GYS2: variants seen among roughly 807,000 people sequenced by gnomAD.
GYS2 encodes the protein glycogen synthase 2, also known as glycogen [starch] synthase, liver.
GYS2 carries 80 observed loss-of-function variants against 85.6 expected under a neutral mutation model. The ratio of observed to expected loss-of-function variants is 0.93; its 90% CI spans 0.78 to 1.13. The LOEUF is 1.13. Ranked by LOEUF, GYS2 falls within the 50% of genes most tolerant of loss-of-function variation. The pLI, the probability that GYS2 is intolerant of heterozygous loss-of-function variation, is 0.00. For missense variants in GYS2, 881 were observed against 854.9 expected (o/e 1.03, Z -0.38); for synonymous variants, 328 against 300.7 (o/e 1.09, Z -0.94).
intron 11 of GYS2, among the ~76,000 whole-genome samples, chr12:21,554,953 G>A (rs1278030025): frequency 2.0e-5 from 3 of 152,188 alleles, no homozygotes; most frequent in Admixed American, 2.0e-4. Context: ...GCCAAGGGAA[G>A]CATGAACTAT....
intron 1 of GYS2, among the ~76,000 whole-genome samples, chr12:21,589,801 G>A (rs960095251): frequency 3.9e-5 from 6 of 152,136 alleles, no homozygotes; most frequent in Non-Finnish European, 5.9e-5. Context: ...TTGCTCCAGA[G>A]AAGGAGCTCT....
chr12:21,590,073 C>T (rs181763517), intron 1 of GYS2, among the ~76,000 whole-genome samples: 76 of 152,262 alleles, frequency 5.0e-4, no homozygotes, highest in African/African-American at 1.8e-3. Context: ...TAAGAAAATG[C>T]TACCCCACTT....
chr12:21,563,209 T>C lies in GYS2; in HGVS notation c.941+19A>G. ...TCATATCTGATACTTCTTTTTCTTT[T>C]TAATAAAGAAAATCATACCCATAGA... On this transcript the variant is annotated intron_variant, in intron 6 of 15. Coordinates refer to ENST00000261195, the MANE Select transcript of GYS2 (RefSeq NM_021957.4). The C allele has an allele frequency of 3.5e-6, 5 of 1,422,494 alleles. No homozygotes were observed. Among genetic ancestry groups the C allele is most frequent in the Non-Finnish European group, 5.0e-6 (5 of 1,005,430 alleles). 88.1% of individuals were successfully genotyped at this position (1,422,494 alleles called of 1,614,324 possible).
At position 21,574,203 on chromosome 12, in the gene GYS2, T is replaced by A; in HGVS notation, c.619A>T (p.Thr207Ser). The A allele has an allele frequency of 6.2e-7, 1 of 1,612,650 alleles. No individual in the cohort carries two copies. Among genetic ancestry groups the A allele is most frequent in the Non-Finnish European group, 8.5e-7 (1 of 1,178,646 alleles). Residue 207 changes from threonine to serine, a missense_variant, in exon 4 of 16, where the codon ACA becomes TCA. Coordinates refer to ENST00000261195, the MANE Select transcript of GYS2 (RefSeq NM_021957.4). ...PIATIFTTHA[T>S]LLGRYLCAAN... ...GCACAGAGATACCTCCCAAGTAGTG[T>A]AGCGTGGGTTGTAAATATTGTGGCA...
rs781309842 is a variant in GYS2, at chr12:21,563,031, C to T, written c.949G>A (p.Asp317Asn). The part of the protein sequence containing the change: ...FVRGHFYGHL[D>N]FDLEKTLFLF... ...AACAAAGTCTTTTCAAGATCAAAGT[C>T]GAGATGACTAAAACAAAACAAAACC... The change falls in exon 7 of 16, where the codon GAC (aspartate) becomes AAC (asparagine). Residue 317 changes from aspartate to asparagine, a missense_variant. Coordinates refer to ENST00000261195, the MANE Select transcript of GYS2 (RefSeq NM_021957.4). 24 of 1,610,602 alleles carry T rather than the reference C, an allele frequency of 1.5e-5. No individual in the cohort carries two copies. The East Asian group carries it at 1.8e-4, about 12-fold the overall frequency.
intron 1 of GYS2, among the ~76,000 whole-genome samples, chr12:21,585,353 A>C (rs530167792): frequency 3.9e-5 from 6 of 152,298 alleles, no homozygotes; most frequent in South Asian, 2.1e-4. Flanking sequence ...AGAGAGTTAC[A>C]GTGTTGGCTG....
chr12:21,541,975 G>A (rs150749616), intron 13 of GYS2, among the ~76,000 whole-genome samples: 2 of 152,084 alleles, frequency 1.3e-5, no homozygotes, highest in Admixed American at 6.5e-5. Flanking sequence ...ATCTGTTCCC[G>A]CATTAATTCA....
In GYS2 at chr12:21,569,974, CA is replaced by C. The variant is rs200098553; in HGVS notation, c.679-966del. Among the ~76,000 whole-genome samples, 163 of 152,290 alleles carry C rather than the reference CA, an allele frequency of 1.1e-3. 7 individuals are homozygous for C. In the East Asian group the frequency reaches 0.027, roughly 25 times the overall value. On this transcript the variant is annotated intron_variant, in intron 4 of 15. Transcript: ENST00000261195. Reference sequence around the variant, plus strand: ...GTAGAACCCTAATTTGATCCTTAATCAGCCTGACTGATTAATGAATACAGTC... The same window carrying C: ...GTAGAACCCTAATTTGATCCTTAATCGCCTGACTGATTAATGAATACAGTC...
chr12:21,601,466 T>C (rs1414283387), intron 1 of GYS2, among the ~76,000 whole-genome samples: 1 of 152,144 alleles, frequency 6.6e-6, no homozygotes, highest in Non-Finnish European at 1.5e-5. Context: ...CTTTTCCCTC[T>C]CTGAGCCCCG....
intron 12 of GYS2, among the ~76,000 whole-genome samples, chr12:21,543,749 C>T (rs1944006823): frequency 6.6e-6 from 1 of 152,096 alleles, no homozygotes; most frequent in African/African-American, 2.4e-5. Context: ...CACCTCGCCC[C>T]ACAACCCGAC....
chr12:21,534,218 A>G (rs1322750912), downstream of GYS2, among the ~76,000 whole-genome samples: 2 of 152,226 alleles, frequency 1.3e-5, no homozygotes, highest in African/African-American at 4.8e-5. Flanking sequence ...AATTAAAAAT[A>G]TCAGTGGGCT....
intron 11 of GYS2, among the ~76,000 whole-genome samples, chr12:21,555,397 T>C (rs1944166892): frequency 6.6e-6 from 1 of 152,106 alleles, no homozygotes; most frequent in Non-Finnish European, 1.5e-5. Flanking sequence ...TCACTTATTA[T>C]AGGAGGTGTG....
At chr12:21,582,894 C>T (rs572427401) in intron 1 of GYS2, among the ~76,000 whole-genome samples, 9 of 152,282 alleles carry the variant, frequency 5.9e-5, no homozygotes, top group South Asian at 4.1e-4. Context: ...CTTGATTCAA[C>T]GCTTGTGAGA....
At position 21,601,539 on chromosome 12, in the gene GYS2, G is replaced by A. The variant is rs986608967; in HGVS notation, c.121+2933C>T. Among the ~76,000 whole-genome samples, 19 of 152,112 alleles carry A rather than the reference G, an allele frequency of 1.2e-4. No homozygotes were observed. The South Asian group carries it at 1.5e-3, about 12-fold the overall frequency. ...CATATATAGTTCTCTCACATAGAAC[G>A]CTTTCTCCCCTTTAGCTATTTATCC... On this transcript the variant is annotated intron_variant, in intron 1 of 15. Transcript: ENST00000261195.
chr12:21,536,880 G>A lies in GYS2; in HGVS notation c.*74C>T. 1.0e-6 allele frequency: 1 copy of A among 1,003,484 alleles called. No individual in the cohort carries two copies. The highest frequency in any genetic ancestry group is 1.6e-6 in the Non-Finnish European group (1 of 635,032). 62.2% of individuals were successfully genotyped at this position (1,003,484 alleles called of 1,614,324 possible). A position where few individuals can be genotyped will look rare whatever the true frequency, so the allele number is the denominator to read the frequency against. On this transcript the variant is annotated 3_prime_UTR_variant, in exon 16 of 16. Coordinates refer to ENST00000261195, the MANE Select transcript of GYS2 (RefSeq NM_021957.4). ...TACTTAGAAGGAGAAAATGAAATTTGTGGCATTTTTATTTTAAATAATTAG... is the reference window on the plus strand; with the variant it reads ...TACTTAGAAGGAGAAAATGAAATTTATGGCATTTTTATTTTAAATAATTAG...
intron 1 of GYS2, among the ~76,000 whole-genome samples, chr12:21,592,446 T>C (rs1282846972): frequency 2.0e-5 from 3 of 152,016 alleles, no homozygotes; most frequent in Non-Finnish European, 4.4e-5. Flanking sequence ...AGTAAAAAGA[T>C]GAAAGATCTT....
chr12:21,582,472 G>T (rs1944520887), intron 1 of GYS2, among the ~76,000 whole-genome samples: 1 of 152,222 alleles, frequency 6.6e-6, no homozygotes, highest in East Asian at 1.9e-4. Context: ...TCAGCTTTGG[G>T]ACTCCGACTA....
intron 3 of GYS2, 31 bp from the exon 4 acceptor site, chr12:21,574,357 AGTT>A (rs1944421223): frequency 6.4e-7 from 1 of 1,557,056 alleles, no homozygotes; most frequent in East Asian, 2.2e-5. Context: ...CATTCAGAAA[AGTT>A]GTTGATGAAG....
chr12:21,557,482 C>T (rs929812249), intron 11 of GYS2, among the ~76,000 whole-genome samples: 12 of 152,212 alleles, frequency 7.9e-5, no homozygotes, highest in African/African-American at 2.9e-4. Flanking sequence ...TTCTCTGAAA[C>T]TGGAAGTTCC....
Sources: allele counts gnomAD v4.1 joint callset (sites outside exome capture counted in the v4.1 genomes callset), GRCh38; gene constraint gnomAD v4.1.1; transcripts MANE v1.5; gene names NCBI Gene and HGNC (gene_info 2026-07-23, HGNC 2026-07-21).